SBF2: variants seen among roughly 807,000 people sequenced by gnomAD.
The protein encoded by SBF2 is myotubularin-related protein 13.
In SBF2, 112 loss-of-function variants were observed where a neutral mutation model predicts 225.2. The ratio of observed to expected loss-of-function variants is 0.50; its 90% CI spans 0.43 to 0.58. The LOEUF (loss-of-function observed/expected upper bound fraction) is 0.58, where lower values mean the gene tolerates loss of function less well. SBF2 is among the 20% of genes least tolerant of loss of function. The pLI, the probability that SBF2 is intolerant of heterozygous loss-of-function variation, is 0.00. For missense variants in SBF2, 1,996 were observed against 2,206.2 expected, an observed-to-expected ratio of 0.90 and a Z score of 1.91; for synonymous variants, 763 against 773.3, an observed-to-expected ratio of 0.99 and a Z score of 0.22.
chr11:9,795,898 A>C lies in SBF2; in HGVS notation c.4503T>G (p.Ala1501=). The C allele has an allele frequency of 3.1e-6, 5 of 1,613,830 alleles. No homozygotes were observed. The highest frequency in any genetic ancestry group is 4.2e-6 in the Non-Finnish European group (5 of 1,179,838). ...TAAAGCGATTAGACACATAGTGGAAAGCCAAGAACTTTAAGTAATAGAGAT... is the reference window on the plus strand; with the variant it reads ...TAAAGCGATTAGACACATAGTGGAACGCCAAGAACTTTAAGTAATAGAGAT... ...EFNLYYLKFL[A]FHYVSNRFKT... is the part of the protein sequence containing the mutation. Residue 1501 remains alanine, a synonymous_variant, in exon 33 of 40, where the codon GCT becomes GCG. Transcript: ENST00000256190.
chr11:10,129,131 A>G (rs1432402557), intron 2 of SBF2, among the ~76,000 whole-genome samples: 3 of 123,512 alleles, frequency 2.4e-5, no homozygotes, highest in African/African-American at 6.2e-5. Context: ...TTTTTGAGAC[A>G]CAGTCTCGCT....
chr11:10,087,022 G>C (rs1951591579), intron 2 of SBF2, among the ~76,000 whole-genome samples: 1 of 152,194 alleles, frequency 6.6e-6, no homozygotes, highest in South Asian at 2.1e-4. Context: ...CTATGTAAAT[G>C]TAAGATGTGC....
At chr11:9,958,915 A>T in intron 16 of SBF2, 1 of 679,784 alleles carries the variant, frequency 1.5e-6, no homozygotes, top group Non-Finnish European at 2.7e-6. Context: ...GGGCTATAAG[A>T]GCAGAAAAGT....
chr11:9,944,283 A>G (rs772907350), intron 16 of SBF2, among the ~76,000 whole-genome samples: 9 of 152,252 alleles, frequency 5.9e-5, no homozygotes, highest in Non-Finnish European at 1.3e-4. Flanking sequence ...GTTGCAGTAT[A>G]GCTCTGAAGG....
intron 2 of SBF2, among the ~76,000 whole-genome samples, chr11:10,063,329 T>A (rs7932261): frequency 0.08 from 5,971 of 74,396 alleles, 316 homozygotes; most frequent in East Asian, 0.28. Flanking sequence ...GTAAAAAAAA[T>A]ATATATATAT....
intron 1 of SBF2, among the ~76,000 whole-genome samples, chr11:10,232,866 G>A (rs1042603630): frequency 8.5e-5 from 13 of 152,170 alleles, no homozygotes; most frequent in African/African-American, 2.9e-4. Context: ...ATAACAGCAA[G>A]GAGTCCTTCA....
intron 16 of SBF2, among the ~76,000 whole-genome samples, chr11:9,950,007 T>C (rs1865768674): frequency 6.6e-6 from 1 of 152,072 alleles, no homozygotes; most frequent in Non-Finnish European, 1.5e-5. Flanking sequence ...AAAAAGCACA[T>C]TTAAATGCTT....
chr11:10,132,254 T>G (rs1208219888), intron 2 of SBF2, among the ~76,000 whole-genome samples: 2 of 152,192 alleles, frequency 1.3e-5, no homozygotes, highest in African/African-American at 4.8e-5. Context: ...TATATTTGGT[T>G]TCTGCCCCTG....
At chr11:10,271,248 C>T (rs375984166) in intron 1 of SBF2, among the ~76,000 whole-genome samples, 11 of 27,720 alleles carry the variant, frequency 4.0e-4, no homozygotes, top group Non-Finnish European at 5.0e-4. Context: ...GTAATATTTT[C>T]ATGTTAGTTT....
At chr11:10,042,091 T>C (rs946088816) in intron 3 of SBF2, among the ~76,000 whole-genome samples, 1 of 152,188 alleles carries the variant, frequency 6.6e-6, no homozygotes, top group Non-Finnish European at 1.5e-5. Context: ...ATGGATATTC[T>C]AGCACAACTA....
intron 16 of SBF2, among the ~76,000 whole-genome samples, chr11:9,933,225 CCACTGTCTATATTA>C (rs1334065332): frequency 1.3e-5 from 2 of 152,056 alleles, no homozygotes; most frequent in African/African-American, 2.4e-5. Flanking sequence ...CTTCAACACC[CCACTGTCTATATTA>C]CACAGATCAA....
At chr11:10,010,944 G>A (rs1311419527) in intron 6 of SBF2, among the ~76,000 whole-genome samples, 1 of 152,052 alleles carries the variant, frequency 6.6e-6, no homozygotes, top group Admixed American at 6.6e-5. Context: ...TCCTTGAAGA[G>A]GTCCTTCACA....
chr11:10,282,454 T>C (rs557213316), intron 1 of SBF2, among the ~76,000 whole-genome samples: 1 of 152,078 alleles, frequency 6.6e-6, no homozygotes, highest in African/African-American at 2.4e-5. Context: ...CTGACTCACA[T>C]GTCTAAACAC....
intron 32 of SBF2, among the ~76,000 whole-genome samples, chr11:9,803,734 C>T (rs750414224): frequency 6.6e-6 from 1 of 152,170 alleles, no homozygotes; most frequent in African/African-American, 2.4e-5. Context: ...GCTCATTCCC[C>T]TGGAATCCTC....
intron 6 of SBF2, among the ~76,000 whole-genome samples, chr11:10,009,561 C>A (rs1264338925): frequency 6.6e-6 from 1 of 152,210 alleles, no homozygotes; most frequent in Middle Eastern, 3.2e-3. Context: ...TTTCCAGCTT[C>A]ATCCATGTCT....
intron 1 of SBF2, among the ~76,000 whole-genome samples, chr11:10,227,835 T>C (rs572316479): frequency 7.2e-5 from 11 of 151,884 alleles, no homozygotes; most frequent in South Asian, 6.2e-4. Flanking sequence ...AACTTTAAAG[T>C]AGTTTTTTCC....
At chr11:9,822,328 C>T (rs959711351) in intron 28 of SBF2, among the ~76,000 whole-genome samples, 4 of 150,328 alleles carry the variant, frequency 2.7e-5, no homozygotes, top group South Asian at 2.1e-4. Flanking sequence ...TGGCGCGATC[C>T]TGGCTCACTG....
At position 9,790,590 on chromosome 11, in the gene SBF2, A is replaced by C. The variant is rs1852677610; in HGVS notation, c.4664T>G (p.Phe1555Cys). The change falls in exon 34 of 40, where the codon TTC becomes TGC. Residue 1555 changes from phenylalanine (F) to cysteine (C), a missense_variant. By Grantham distance (205) the Phe-to-Cys change is radical (BLOSUM62 -2). Coordinates refer to ENST00000256190, the MANE Select transcript of SBF2 (RefSeq NM_030962.4). ...CAATGGTGAATATAAATAATTAAAG[A>C]AAATGGGACTCCTCTTGTGCATTCT... ...IDRMHKRSPI[F>C]FNYLYSPLEI... 6 of 1,585,842 alleles carry C rather than the reference A, an allele frequency of 3.8e-6. No homozygotes were observed. The highest frequency in any genetic ancestry group is 5.2e-6 in the Non-Finnish European group (6 of 1,156,416).
At chr11:10,069,281 TTAGG>T (rs1267890253) in intron 2 of SBF2, among the ~76,000 whole-genome samples, 1 of 152,020 alleles carries the variant, frequency 6.6e-6, no homozygotes, top group Non-Finnish European at 1.5e-5. Context: ...ATCATTTATA[TTAGG>T]TATTTCTCCT....
Sources: gnomAD v4.1 joint callset for allele counts (sites outside exome capture counted in the v4.1 genomes callset) on GRCh38, gnomAD v4.1.1 for gene constraint, MANE v1.5 for transcripts, NCBI Gene and HGNC (gene_info 2026-07-23, HGNC 2026-07-21) for gene names.